The following ARFGEF1 variants were observed in gnomAD, a reference collection of about 807,000 sequenced individuals.
ARFGEF1 encodes brefeldin A-inhibited guanine nucleotide-exchange protein 1.
ARFGEF1 carries 42 observed loss-of-function variants against 231.0 expected under a neutral mutation model. The ratio of observed to expected loss-of-function variants is 0.18; its 90% CI spans 0.14 to 0.24. ARFGEF1 has a LOEUF of 0.24. Among genes scored for constraint, ARFGEF1 ranks in the 10% least tolerant of loss-of-function variants. ARFGEF1 has a pLI of 1.00. For missense variants in ARFGEF1, 1,345 were observed against 2,192.0 expected, an observed-to-expected ratio of 0.61 and a Z score of 7.72; for synonymous variants, 710 against 732.3, an observed-to-expected ratio of 0.97 and a Z score of 0.49.
chr8:67,337,817 T>C (rs1808417519), intron 1 of ARFGEF1, among the ~76,000 whole-genome samples: 1 of 152,186 alleles, frequency 6.6e-6, no homozygotes, highest in South Asian at 2.1e-4. Flanking sequence ...TGATATAAGG[T>C]TGTTACTATC....
intron 1 of ARFGEF1, 143 bp from the exon 2 acceptor site, chr8:67,302,609 T>C (rs1478350797): frequency 7.9e-6 from 4 of 506,880 alleles, no homozygotes; most frequent in Non-Finnish European, 1.0e-5. Context: ...ATGCTAAAAT[T>C]GTTTCATCTA....
intron 1 of ARFGEF1, among the ~76,000 whole-genome samples, chr8:67,318,276 A>G (rs566755819): frequency 6.6e-6 from 1 of 152,078 alleles, no homozygotes; most frequent in South Asian, 2.1e-4. Context: ...GAAGAAAAAA[A>G]TCACATGATC....
intron 1 of ARFGEF1, among the ~76,000 whole-genome samples, chr8:67,303,703 G>A (rs933122193): frequency 1.0e-4 from 15 of 149,950 alleles, no homozygotes; most frequent in Non-Finnish European, 2.1e-4. Flanking sequence ...GACAGAGTGA[G>A]ACTCCATCTC....
Position 67,227,500 on chromosome 8 carries a change from G to A in ARFGEF1, c.3690C>T (p.Phe1230=). The A allele has an allele frequency of 6.2e-7, 1 of 1,613,120 alleles. No homozygotes were observed. The highest frequency in any genetic ancestry group is 8.5e-7 in the Non-Finnish European group (1 of 1,179,332). ...GTCTTAAGAAATCCTTCTGGAATCTGAAGTTAGCAAGCTCCCCTTTCTCTA... is the reference window on the plus strand; with the variant it reads ...GTCTTAAGAAATCCTTCTGGAATCTAAAGTTAGCAAGCTCCCCTTTCTCTA... ...KFLEKGELAN[F]RFQKDFLRPF... Residue 1230 remains phenylalanine (F), a synonymous_variant, in exon 26 of 39, where the codon TTC becomes TTT. Transcript: ENST00000262215.
intron 34 of ARFGEF1, among the ~76,000 whole-genome samples, chr8:67,206,860 GTTTC>G (rs1488691152): frequency 6.6e-6 from 1 of 152,200 alleles, no homozygotes; most frequent in Non-Finnish European, 1.5e-5. Flanking sequence ...TACAATCCCT[GTTTC>G]TTTCTACTAT....
chr8:67,252,801 G>C (rs918717778), intron 18 of ARFGEF1, among the ~76,000 whole-genome samples: 4 of 152,168 alleles, frequency 2.6e-5, no homozygotes, highest in African/African-American at 9.7e-5. Flanking sequence ...GTTTGAGGTA[G>C]AAATTTCTAA....
chr8:67,341,818 T>C (rs1808643016), intron 1 of ARFGEF1, among the ~76,000 whole-genome samples: 1 of 152,214 alleles, frequency 6.6e-6, no homozygotes, highest in South Asian at 2.1e-4. Context: ...CAGTCTTTTG[T>C]TAGCTACAAA....
At chr8:67,294,834 T>C (rs1024385618) in intron 5 of ARFGEF1, among the ~76,000 whole-genome samples, 2 of 152,112 alleles carry the variant, frequency 1.3e-5, no homozygotes, top group African/African-American at 4.8e-5. Context: ...TGACAATGAA[T>C]ACAACTAGCA....
chr8:67,240,328 T>C (rs1355459317), intron 19 of ARFGEF1, 38 bp from the exon 20 acceptor site: 2 of 1,517,862 alleles, frequency 1.3e-6, no homozygotes, highest in East Asian at 2.4e-5. Flanking sequence ...TTAAAGATTA[T>C]GATAACACAT....
chr8:67,343,464 G>A lies in ARFGEF1; in HGVS notation c.-177C>T. 3 of 1,343,436 alleles carry A rather than the reference G, an allele frequency of 2.2e-6. No individual in the cohort carries two copies. In the South Asian group the frequency reaches 5.6e-5, roughly 25 times the overall value. The allele number at this position is 1,343,436 out of a possible 1,614,324, so 83.2% of individuals were successfully genotyped here. ...GCGGGCGAGCGGGACCAGCCGCGGT[G>A]TCGGCGAAGGGCGTCGAGGTCCTCG... On this transcript the variant is annotated 5_prime_UTR_variant, in exon 1 of 39. Coordinates refer to ENST00000262215, the MANE Select transcript of ARFGEF1 (RefSeq NM_006421.5).
At chr8:67,313,671 A>AGG (rs1363754500) in intron 1 of ARFGEF1, among the ~76,000 whole-genome samples, 1 of 152,174 alleles carries the variant, frequency 6.6e-6, no homozygotes, top group Non-Finnish European at 1.5e-5. Flanking sequence ...GAGGTGGCGG[A>AGG]GGGTGCAATG....
chr8:67,268,989 T>G (rs1804960408), intron 10 of ARFGEF1, among the ~76,000 whole-genome samples: 1 of 152,206 alleles, frequency 6.6e-6, no homozygotes, highest in African/African-American at 2.4e-5. Flanking sequence ...TTTTAGCTAC[T>G]ATCAATGGTT....
chr8:67,319,530 A>C (rs1159206945), intron 1 of ARFGEF1, among the ~76,000 whole-genome samples: 2 of 151,986 alleles, frequency 1.3e-5, no homozygotes, highest in African/African-American at 4.8e-5. Flanking sequence ...TCTTGACCTA[A>C]AACTCCCACC....
In ARFGEF1 at chr8:67,198,158, T is replaced by G. The variant is rs1175050084; in HGVS notation, c.*776A>C. On this transcript the variant is annotated 3_prime_UTR_variant, in exon 39 of 39. Transcript: ENST00000262215. ...TCAGTAGGGATATTTTCTACCTTTT[T>G]TTCCCTATTGTTGAAGTGTCGGCCA... 1.0e-6 allele frequency: 1 copy of G among 985,698 alleles called. No individual in the cohort carries two copies. Among genetic ancestry groups the G allele is most frequent in the African/African-American group, 1.7e-5 (1 of 57,226 alleles). 61.1% of individuals were successfully genotyped at this position (985,698 alleles called of 1,614,324 possible). A position where few individuals can be genotyped will look rare whatever the true frequency, so the allele number is the denominator to read the frequency against.
At position 67,211,565 on chromosome 8, in the gene ARFGEF1, C is replaced by G; in HGVS notation, c.4737G>C (p.Arg1579Ser). The change falls in exon 34 of 39, where the codon AGG (arginine) becomes AGC (serine). Residue 1579 changes from arginine (R) to serine (S), a missense_variant. Around this residue, in one of 14 missense-constraint regions of ARFGEF1, gnomAD observed 89 missense variants for 74.8 expected, o/e 1.19. Coordinates refer to ENST00000262215, the MANE Select transcript of ARFGEF1 (RefSeq NM_006421.5). ...GTGCTTGTGGTCTGTTATCCACAGA[C>G]CTTGGTTGAATAGAATCATGAATAT... The part of the protein sequence containing the change: ...SVDIHDSIQP[R>S]SVDNRPQAPL... 1 of 1,573,580 alleles carries G rather than the reference C, an allele frequency of 6.4e-7. No individual in the cohort carries two copies. Among genetic ancestry groups the G allele is most frequent in the Non-Finnish European group, 8.6e-7 (1 of 1,158,980 alleles).
At chr8:67,265,458 A>G (rs1329818456) in intron 14 of ARFGEF1, among the ~76,000 whole-genome samples, 4 of 152,314 alleles carry the variant, frequency 2.6e-5, no homozygotes, top group African/African-American at 9.6e-5. Flanking sequence ...TGACATTCAC[A>G]AAGGAAATAG....
At chr8:67,176,724 C>T (rs1370091491) in intron 5 of ARFGEF1, among the ~76,000 whole-genome samples, 9 of 152,162 alleles carry the variant, frequency 5.9e-5, no homozygotes, top group Admixed American at 4.6e-4. Flanking sequence ...CTATCTCCCA[C>T]AGCAGCCACT....
chr8:67,269,965 T>C (rs2128895523), intron 10 of ARFGEF1, among the ~76,000 whole-genome samples: 1 of 152,248 alleles, frequency 6.6e-6, no homozygotes, highest in South Asian at 2.1e-4. Flanking sequence ...AAACAGTACC[T>C]ACAGAAGCAG....
In ARFGEF1 at chr8:67,200,379, C is replaced by A. The variant is rs375231662; in HGVS notation, c.5385+17G>T. The A allele has an allele frequency of 6.0e-6, 9 of 1,506,836 alleles. No individual in the cohort carries two copies. In the African/African-American group the frequency reaches 1.2e-4, roughly 21 times the overall value. 93.3% of individuals were successfully genotyped at this position (1,506,836 alleles called of 1,614,324 possible). On this transcript the variant is annotated intron_variant, in intron 38 of 38. Transcript: ENST00000262215. ...TGGGCTAGAAATGTGGGGCTGGATTCGAAGCCTCATACTTACCCTATTATC... is the reference window on the plus strand; with the variant it reads ...TGGGCTAGAAATGTGGGGCTGGATTAGAAGCCTCATACTTACCCTATTATC...
Sources: allele counts gnomAD v4.1 joint callset (sites outside exome capture counted in the v4.1 genomes callset), GRCh38; gene constraint gnomAD v4.1.1; regional missense constraint gnomAD v4.1.1; transcripts MANE v1.5; gene names NCBI Gene and HGNC (gene_info 2026-07-23, HGNC 2026-07-21).